P3H2: variants seen among roughly 807,000 people sequenced by gnomAD.
The protein encoded by P3H2 is prolyl 3-hydroxylase 2.
P3H2 carries 80 observed loss-of-function variants against 87.0 expected under a neutral mutation model. The ratio of observed to expected loss-of-function variants is 0.92; its 90% CI spans 0.77 to 1.11. The LOEUF is 1.11. P3H2 is among the 50% of genes least tolerant of loss of function. The pLI, the probability that P3H2 is intolerant of heterozygous loss-of-function variation, is 0.00. For missense variants in P3H2, 1,001 were observed against 923.9 expected (o/e 1.08, Z -1.08); for synonymous variants, 367 against 359.3 (o/e 1.02, Z -0.24).
intron 1 of P3H2, among the ~76,000 whole-genome samples, chr3:190,035,956 A>G (rs1725405954): frequency 6.6e-6 from 1 of 152,208 alleles, no homozygotes; most frequent in African/African-American, 2.4e-5. Flanking sequence ...TCTACACAGT[A>G]AGCTGCAGTG....
chr3:189,959,977 T>C (rs901533611), intron 14 of P3H2, among the ~76,000 whole-genome samples: 4 of 151,932 alleles, frequency 2.6e-5, no homozygotes, highest in Admixed American at 2.6e-4. Flanking sequence ...CCAATCAGCC[T>C]GTGGAATCCG....
intron 4 of P3H2, among the ~76,000 whole-genome samples, chr3:189,988,378 T>C (rs1183690827): frequency 1.3e-5 from 1 of 74,712 alleles, no homozygotes; most frequent in African/African-American, 4.3e-5. Flanking sequence ...ACAATATACG[T>C]ATGTGTGTAT....
Position 189,989,159 on chromosome 3 carries a change from T to C in P3H2, c.824-121A>G, listed in dbSNP as rs547112764. The C allele has an allele frequency of 8.4e-4, 1,014 of 1,200,924 alleles. 14 individuals carry two copies. The South Asian group carries it at 0.012, about 15-fold the overall frequency. The allele number at this position is 1,200,924 out of a possible 1,614,324, so 74.4% of individuals were successfully genotyped here. On this transcript the variant is annotated intron_variant, in intron 3 of 14. Coordinates refer to ENST00000319332, the MANE Select transcript of P3H2 (RefSeq NM_018192.4). ...ACCACACTGGAAGACCAAATTATTA[T>C]AATCCTCACTTCCGGACTGCAAAAC...
At chr3:189,962,860 C>T (rs1004065412) in intron 14 of P3H2, among the ~76,000 whole-genome samples, 1 of 152,152 alleles carries the variant, frequency 6.6e-6, no homozygotes, top group Non-Finnish European at 1.5e-5. Context: ...AACTTAGGAA[C>T]CTAACAAGGA....
In P3H2 at chr3:190,023,017, G is replaced by A. The variant is rs561572254; in HGVS notation, c.481-27575C>T. On this transcript the variant is annotated intron_variant, in intron 1 of 14. Transcript: ENST00000319332. Reference sequence around the variant, plus strand: ...AATTTTTTGTATTTTTAGTAGAGACGGTGTTTCACCGTGTTAGCCAGGATG... The same window carrying A: ...AATTTTTTGTATTTTTAGTAGAGACAGTGTTTCACCGTGTTAGCCAGGATG... 2.7e-5 allele frequency among the ~76,000 whole-genome samples: 4 copies of A among 148,696 alleles called. No homozygotes were observed. The East Asian group carries it at 5.8e-4, about 22-fold the overall frequency.
intron 1 of P3H2, among the ~76,000 whole-genome samples, chr3:190,081,542 T>C (rs1727044723): frequency 6.6e-6 from 1 of 152,178 alleles, no homozygotes; most frequent in Admixed American, 6.5e-5. Flanking sequence ...ATGAGTCTGA[T>C]TTCTAAAAGT....
intron 12 of P3H2, chr3:189,971,684 G>A: frequency 1.8e-6 from 1 of 557,320 alleles, no homozygotes; most frequent in South Asian, 2.0e-5. Flanking sequence ...TTTGTGAAAT[G>A]GGATGCAAAC....
At chr3:190,102,791 G>A (rs1257881134) in intron 1 of P3H2, among the ~76,000 whole-genome samples, 4 of 152,182 alleles carry the variant, frequency 2.6e-5, no homozygotes, top group African/African-American at 9.6e-5. Context: ...AGCACAGTAT[G>A]CTACAGAGAA....
chr3:190,066,600 G>T (rs184898096), intron 1 of P3H2, among the ~76,000 whole-genome samples: 1 of 152,148 alleles, frequency 6.6e-6, no homozygotes, highest in Non-Finnish European at 1.5e-5. Context: ...ACTTACTCAT[G>T]TAACTGAACA....
chr3:189,987,001 G>T lies in P3H2; in HGVS notation c.1099-124C>A. ...AATGAGCTAACAAATATTCAGAACT[G>T]CAAGACTTGGCCCCATCTCAACATA... On this transcript the variant is annotated intron_variant, in intron 5 of 14. Coordinates refer to ENST00000319332, the MANE Select transcript of P3H2 (RefSeq NM_018192.4). 2.9e-6 allele frequency: 2 copies of T among 700,720 alleles called. 1 individual carries two copies. Among genetic ancestry groups the T allele is most frequent in the South Asian group, 3.2e-5 (2 of 61,636 alleles). The allele number at this position is 700,720 out of a possible 1,614,324, so 43.4% of individuals were successfully genotyped here.
Position 190,110,069 on chromosome 3 carries a change from G to A in P3H2, c.480+10183C>T, listed in dbSNP as rs1327002034. 3.3e-5 allele frequency among the ~76,000 whole-genome samples: 5 copies of A among 151,744 alleles called. No homozygotes were observed. The East Asian group carries it at 5.8e-4, about 18-fold the overall frequency. ...TCACCATGTTGGCCAGGCTGGTCTC[G>A]GACTCCTGACCTCAGGTGATCCACG... On this transcript the variant is annotated intron_variant, in intron 1 of 14. Transcript: ENST00000319332.
intron 1 of P3H2, among the ~76,000 whole-genome samples, chr3:190,037,497 G>C (rs545511120): frequency 1.3e-5 from 2 of 152,232 alleles, no homozygotes; most frequent in Admixed American, 6.5e-5. Context: ...CCGTGGCTCA[G>C]ATTTTAGCAA....
intron 1 of P3H2, among the ~76,000 whole-genome samples, chr3:190,060,592 A>G (rs2108966425): frequency 6.6e-6 from 1 of 152,294 alleles, no homozygotes; most frequent in Middle Eastern, 3.4e-3. Flanking sequence ...GTTTTTATAG[A>G]ATTGGATGAT....
chr3:190,069,228 T>C (rs969226100), intron 1 of P3H2, among the ~76,000 whole-genome samples: 3 of 152,202 alleles, frequency 2.0e-5, no homozygotes, highest in Non-Finnish European at 2.9e-5. Context: ...AAATCTATGA[T>C]GACACAGTCT....
At chr3:190,063,359 G>A (rs1214892991) in intron 1 of P3H2, among the ~76,000 whole-genome samples, 2 of 152,128 alleles carry the variant, frequency 1.3e-5, no homozygotes. Flanking sequence ...AAAAGCAAAT[G>A]TTCTTGGGAA....
Position 189,973,960 on chromosome 3 carries a change from G to C in P3H2, c.1497C>G (p.Pro499=). 1 of 1,614,054 alleles carries C rather than the reference G, an allele frequency of 6.2e-7. No homozygotes were observed. Reference sequence around the variant, plus strand: ...CTTCAAACTTTTCATTGGGTGTATGGGGTGAAGTTTTTCCTCTGTATCCAT... The same window carrying C: ...CTTCAAACTTTTCATTGGGTGTATGCGGTGAAGTTTTTCCTCTGTATCCAT... ...VGDGYRGKTS[P]HTPNEKFEGA... is the part of the protein sequence containing the mutation. Residue 499 remains proline (P), a synonymous_variant, in exon 10 of 15, where the codon CCC becomes CCG. Coordinates refer to ENST00000319332, the MANE Select transcript of P3H2 (RefSeq NM_018192.4).
At chr3:190,119,880 G>A (rs867989402) in intron 1 of P3H2, among the ~76,000 whole-genome samples, 1 of 151,382 alleles carries the variant, frequency 6.6e-6, no homozygotes, top group Non-Finnish European at 1.5e-5. Flanking sequence ...GAAGGGAGAA[G>A]AGAAATGGGA....
chr3:189,987,372 G>C (rs1188553937), intron 5 of P3H2, among the ~76,000 whole-genome samples, 155 bp downstream of exon 5: 1 of 151,940 alleles, frequency 6.6e-6, no homozygotes, highest in African/African-American at 2.4e-5. Flanking sequence ...CCAGCTACTA[G>C]GGAGGCTGAG....
At chr3:190,099,347 G>A (rs937095162) in intron 1 of P3H2, among the ~76,000 whole-genome samples, 8 of 152,164 alleles carry the variant, frequency 5.3e-5, no homozygotes, top group Non-Finnish European at 1.2e-4. Flanking sequence ...CACATGTTTA[G>A]ATACAACAGA....
Sources: gnomAD v4.1 joint callset for allele counts (sites outside exome capture counted in the v4.1 genomes callset) on GRCh38, gnomAD v4.1.1 for gene constraint, MANE v1.5 for transcripts, NCBI Gene and HGNC (gene_info 2026-07-23, HGNC 2026-07-21) for gene names.